The following CACNG5 variants were observed in gnomAD, a reference collection of about 807,000 sequenced individuals.
The protein encoded by CACNG5 is voltage-dependent calcium channel gamma-5 subunit.
A neutral mutation model predicts 24.8 loss-of-function variants in CACNG5; 18 were observed. The observed-to-expected ratio is 0.73, with a 90% CI of 0.50 to 1.08. The LOEUF (loss-of-function observed/expected upper bound fraction) is 1.08, where lower values mean the gene tolerates loss of function less well. CACNG5 is among the 50% of genes least tolerant of loss of function. CACNG5 has a pLI of 0.00. For synonymous variants in CACNG5, 157 were observed against 149.1 expected (o/e 1.05, Z -0.39); for missense variants, 349 against 367.9 (o/e 0.95, Z 0.42).
chr17:66,835,414 G>C (rs981873888), intron 1 of CACNG5, among the ~76,000 whole-genome samples, 164 bp downstream of exon 1: 1 of 152,198 alleles, frequency 6.6e-6, no homozygotes, highest in Non-Finnish European at 1.5e-5. Context: ...CCCTGGAAGG[G>C]GCAGTGTGGT....
At position 66,848,973 on chromosome 17, in the gene CACNG5, T is replaced by A. The variant is rs372338425; in HGVS notation, c.-104+13723T>A. ...GACCTGAACTTTGTGCTTTCTGGAG[T>A]GCAATCAGATGAATAGGCTGCCGCC... On this transcript the variant is annotated intron_variant, in intron 1 of 5. Coordinates refer to ENST00000533854, the MANE Select transcript of CACNG5 (RefSeq NM_145811.3). 3.1e-4 allele frequency among the ~76,000 whole-genome samples: 47 copies of A among 151,406 alleles called. 1 individual carries two copies. The highest frequency in any genetic ancestry group is 1.1e-3 in the African/African-American group (44 of 41,244).
rs1195774796 is a variant in CACNG5 at position 66,893,700 on chromosome 17, G to T, written c.*8460G>T. On this transcript the variant is annotated 3_prime_UTR_variant, in exon 6 of 6. Transcript: ENST00000533854. ...GGGCACCATGGAGCAAATGGCCAGT[G>T]GGTGTGCCATGGCAGGTGAGACCCG... Among the ~76,000 whole-genome samples the T allele has an allele frequency of 2.0e-5, 3 of 152,166 alleles. No homozygotes were observed. Among genetic ancestry groups the T allele is most frequent in the African/African-American group, 7.2e-5 (3 of 41,428 alleles).
intron 1 of CACNG5, among the ~76,000 whole-genome samples, chr17:66,845,408 A>G (rs931524213): frequency 6.6e-6 from 1 of 151,844 alleles, no homozygotes; most frequent in Non-Finnish European, 1.5e-5. Flanking sequence ...ACGTATACCT[A>G]TGTAACAAAC....
chr17:66,882,823 C>T (rs1462340444), intron 4 of CACNG5, among the ~76,000 whole-genome samples: 1 of 152,094 alleles, frequency 6.6e-6, no homozygotes, highest in Non-Finnish European at 1.5e-5. Flanking sequence ...CTGATTACCA[C>T]CTGACTCCTG....
In CACNG5 at chr17:66,885,530, C is replaced by CA. The variant is rs1327130704; in HGVS notation, c.*290_*291insA. The CA allele has an allele frequency of 4.6e-6, 2 of 431,214 alleles. No individual in the cohort carries two copies. The highest frequency in any genetic ancestry group is 8.3e-6 in the Non-Finnish European group (2 of 242,296). 26.7% of individuals were successfully genotyped at this position (431,214 alleles called of 1,614,324 possible). On this transcript the variant is annotated 3_prime_UTR_variant, in exon 6 of 6. Transcript: ENST00000533854. ...TGGCTCCAGGAAGCCAGCAGCTCCC[C>CA]CCAAGCCCAGGAGACACCGATGTTC...
At chr17:66,837,632 T>C (rs559659766) in intron 1 of CACNG5, among the ~76,000 whole-genome samples, 1 of 152,342 alleles carries the variant, frequency 6.6e-6, no homozygotes, top group South Asian at 2.1e-4. Flanking sequence ...TATCCCACCA[T>C]TAGAGACTTA....
intron 1 of CACNG5, among the ~76,000 whole-genome samples, chr17:66,858,306 C>T (rs993038827): frequency 6.6e-6 from 1 of 152,196 alleles, no homozygotes; most frequent in Non-Finnish European, 1.5e-5. Flanking sequence ...TGCCTCCTTT[C>T]TGGACCCGGG....
intron 1 of CACNG5, among the ~76,000 whole-genome samples, chr17:66,868,684 T>C (rs1308639919): frequency 6.6e-6 from 1 of 152,180 alleles, no homozygotes; most frequent in Non-Finnish European, 1.5e-5. Flanking sequence ...ACACATCCCC[T>C]TCTGATGCTG....
At chr17:66,861,073 C>T (rs747289280) in intron 1 of CACNG5, among the ~76,000 whole-genome samples, 28 of 152,126 alleles carry the variant, frequency 1.8e-4, no homozygotes, top group Admixed American at 1.5e-3. Context: ...TATTTCTTCT[C>T]GACAGATATA....
intron 1 of CACNG5, among the ~76,000 whole-genome samples, chr17:66,838,219 C>A (rs1191817452): frequency 6.6e-6 from 1 of 151,524 alleles, no homozygotes; most frequent in African/African-American, 2.4e-5. Flanking sequence ...CTGAAAATTC[C>A]CCTGTCACTC....
chr17:66,860,129 C>T (rs1976833470), intron 1 of CACNG5, among the ~76,000 whole-genome samples: 1 of 152,130 alleles, frequency 6.6e-6, no homozygotes, highest in Admixed American at 6.5e-5. Flanking sequence ...TCCAAGCTTA[C>T]CTATGCAACC....
At chr17:66,837,262 G>A (rs951550044) in intron 1 of CACNG5, among the ~76,000 whole-genome samples, 1 of 152,212 alleles carries the variant, frequency 6.6e-6, no homozygotes, top group Non-Finnish European at 1.5e-5. Context: ...GCCATCCTTA[G>A]AGGTGGGGGA....
rs1034112552 is a variant in CACNG5 at position 66,885,487 on chromosome 17, G to A, written c.*247G>A. The A allele has an allele frequency of 2.2e-5, 11 of 504,508 alleles. No homozygotes were observed. The highest frequency in any genetic ancestry group is 3.1e-5 in the East Asian group (1 of 31,792). 31.3% of individuals were successfully genotyped at this position (504,508 alleles called of 1,614,324 possible). ...AACATGGGAGAAGCCCCGCCCATGT[G>A]AGTGCCAATCACAGCAGTGGCTCCA... On this transcript the variant is annotated 3_prime_UTR_variant, in exon 6 of 6. Coordinates refer to ENST00000533854, the MANE Select transcript of CACNG5 (RefSeq NM_145811.3).
chr17:66,845,989 C>T (rs190141078), intron 1 of CACNG5, among the ~76,000 whole-genome samples: 7 of 152,222 alleles, frequency 4.6e-5, no homozygotes, highest in Non-Finnish European at 8.8e-5. Flanking sequence ...TGTGAAAGGG[C>T]GTGGCCAACA....
chr17:66,851,948 C>T (rs1976713230), intron 1 of CACNG5, among the ~76,000 whole-genome samples: 2 of 152,200 alleles, frequency 1.3e-5, no homozygotes, highest in African/African-American at 4.8e-5. Flanking sequence ...GCTGATAAAG[C>T]ATTGTTTCCA....
intron 3 of CACNG5, among the ~76,000 whole-genome samples, chr17:66,879,608 T>C (rs1977130494): frequency 6.6e-6 from 1 of 152,204 alleles, no homozygotes; most frequent in East Asian, 1.9e-4. Flanking sequence ...CATTCCAATT[T>C]TATTACAAAG....
intron 1 of CACNG5, among the ~76,000 whole-genome samples, chr17:66,873,031 G>A (rs1021864019): frequency 3.3e-5 from 5 of 152,126 alleles, no homozygotes; most frequent in Non-Finnish European, 5.9e-5. Flanking sequence ...TTAGACCTGG[G>A]TTTAAAGCCA....
chr17:66,859,642 G>T (rs1976828807), intron 1 of CACNG5, among the ~76,000 whole-genome samples: 1 of 152,108 alleles, frequency 6.6e-6, no homozygotes, highest in African/African-American at 2.4e-5. Flanking sequence ...AAGCCAGATT[G>T]GTTTCCCTCC....
Position 66,880,710 on chromosome 17 carries a change from GT to G in CACNG5, c.424+17del. On this transcript the variant is annotated intron_variant, in intron 4 of 5. Coordinates refer to ENST00000533854, the MANE Select transcript of CACNG5 (RefSeq NM_145811.3). ...TTTATCCTCTCAGGTAAGTTGTGTT[GT>G]TTTCTTTTCTTGCACCCTGGAATTT... 6.2e-7 allele frequency: 1 copy of G among 1,611,146 alleles called. No homozygotes were observed. The highest frequency in any genetic ancestry group is 1.1e-5 in the South Asian group (1 of 90,440).
Sources: gnomAD v4.1 joint callset for allele counts (sites outside exome capture counted in the v4.1 genomes callset) on GRCh38, gnomAD v4.1.1 for gene constraint, MANE v1.5 for transcripts, NCBI Gene and HGNC (gene_info 2026-07-23, HGNC 2026-07-21) for gene names.